The following KCNQ1 variants were observed in gnomAD, a reference collection of about 807,000 sequenced individuals.
KCNQ1 encodes potassium voltage-gated channel subfamily Q member 1, also known as potassium voltage-gated channel subfamily KQT member 1.
A neutral mutation model predicts 72.4 loss-of-function variants in KCNQ1; 49 were observed. The observed-to-expected ratio is 0.68, with a 90% CI of 0.54 to 0.86. The LOEUF (loss-of-function observed/expected upper bound fraction) is 0.86, where lower values mean the gene tolerates loss of function less well. Ranked by LOEUF, KCNQ1 falls within the 40% of genes least tolerant of loss-of-function variation. KCNQ1 has a pLI of 0.00. For synonymous variants in KCNQ1, 450 were observed against 412.6 expected, an observed-to-expected ratio of 1.09 and a Z score of -1.10; for missense variants, 790 against 945.1, an observed-to-expected ratio of 0.84 and a Z score of 2.15.
chr11:2,571,642 T>C (rs1427450741), intron 4 of KCNQ1, among the ~76,000 whole-genome samples: 1 of 151,942 alleles, frequency 6.6e-6, no homozygotes, highest in Non-Finnish European at 1.5e-5. Flanking sequence ...GGCCCAGCAC[T>C]AGCGCCTCTG....
At chr11:2,641,417 T>C in intron 10 of KCNQ1, 1 of 398,464 alleles carries the variant, frequency 2.5e-6, no homozygotes, top group Non-Finnish European at 4.4e-6. Context: ...ATATACCTGT[T>C]GGCTACTTGT....
rs537756796 is a variant in KCNQ1 at position 2,562,862 on chromosome 11, C to T, written c.478-7766C>T. On this transcript the variant is annotated intron_variant, in intron 2 of 15. Coordinates refer to ENST00000155840, the MANE Select transcript of KCNQ1 (RefSeq NM_000218.3). The surrounding 1 kb of genome is among the most constrained non-coding windows in gnomAD (Gnocchi z 7.5). ...TCCTTCGTATTTAATCTTCATCTTC[C>T]GCCGTCTTTAAAATTAATTTTCCTT... Among the ~76,000 whole-genome samples the T allele has an allele frequency of 1.5e-4, 23 of 152,274 alleles. No homozygotes were observed. The South Asian group carries it at 1.7e-3, about 11-fold the overall frequency.
chr11:2,634,400 T>G, intron 10 of KCNQ1: 1 of 177,288 alleles, frequency 5.6e-6, no homozygotes, highest in Non-Finnish European at 1.0e-5. Context: ...CATTGTTCAG[T>G]TCCCACCTAC....
intron 2 of KCNQ1, among the ~76,000 whole-genome samples, chr11:2,548,204 C>T (rs112709382): frequency 6.6e-6 from 1 of 152,158 alleles, no homozygotes; most frequent in Non-Finnish European, 1.5e-5. Flanking sequence ...CAGGGTCATG[C>T]GTGTTTGTCC....
At chr11:2,684,467 C>T (rs1850450789) in intron 11 of KCNQ1, 1 of 398,680 alleles carries the variant, frequency 2.5e-6, no homozygotes, top group East Asian at 3.6e-5. Flanking sequence ...AAAGACTATG[C>T]TCCAGAACTT....
intron 7 of KCNQ1, among the ~76,000 whole-genome samples, chr11:2,584,379 TTGTG>T (rs548681588): frequency 5.0e-4 from 76 of 151,158 alleles, no homozygotes; most frequent in African/African-American, 1.3e-3. Flanking sequence ...GTTAGTGTGT[TTGTG>T]TGTTAGTGTG....
At chr11:2,646,945 T>A (rs1849675686) in intron 10 of KCNQ1, 2 of 398,666 alleles carry the variant, frequency 5.0e-6, no homozygotes, top group East Asian at 7.1e-5. Flanking sequence ...AAGGACAATA[T>A]GACATTCTCT....
At position 2,762,997 on chromosome 11, in the gene KCNQ1, C is replaced by G. The variant is rs931370622; in HGVS notation, c.1515-5847C>G. 2.6e-5 allele frequency among the ~76,000 whole-genome samples: 4 copies of G among 152,172 alleles called. No homozygotes were observed. Among genetic ancestry groups the G allele is most frequent in the Non-Finnish European group, 5.9e-5 (4 of 68,038 alleles). Reference sequence around the variant, plus strand: ...CTCTGACTTTGTTGTTCTTCAAGATCGTCTTGGCTATTCTTGGCCCTTCAC... The same window carrying G: ...CTCTGACTTTGTTGTTCTTCAAGATGGTCTTGGCTATTCTTGGCCCTTCAC... On this transcript the variant is annotated intron_variant, in intron 11 of 15. Transcript: ENST00000155840. This position sits in a 1 kb window ranked among gnomAD's most constrained non-coding sequence, Gnocchi z 4.3.
chr11:2,461,953 G>A (rs1202934874), intron 1 of KCNQ1: 1 of 382,676 alleles, frequency 2.6e-6, no homozygotes, highest in South Asian at 1.9e-5. Flanking sequence ...GCTGTCCTGG[G>A]GGAAGGTCTG....
chr11:2,505,296 CT>C (rs1391543790), intron 1 of KCNQ1, among the ~76,000 whole-genome samples: 2 of 152,000 alleles, frequency 1.3e-5, no homozygotes, highest in Non-Finnish European at 2.9e-5. Flanking sequence ...TTCCATTTTA[CT>C]TCTATTATTG....
chr11:2,454,910 C>T (rs1846165389), intron 1 of KCNQ1, among the ~76,000 whole-genome samples: 1 of 152,014 alleles, frequency 6.6e-6, no homozygotes, highest in African/African-American at 2.4e-5. Flanking sequence ...ACTGGAGGTC[C>T]TAGTCAGAAA....
chr11:2,620,209 ATAT>A lies in KCNQ1; in HGVS notation c.1393+31357_1393+31359del. On this transcript the variant is annotated intron_variant, in intron 10 of 15. Transcript: ENST00000155840. This position sits in a 1 kb window ranked among gnomAD's most constrained non-coding sequence, Gnocchi z 4.5. ...CGTAAGTTCATTCATGTATATATAT[ATAT>A]TTTTTTTTTTTATTTTTTTTTTAGA... 1.3e-5 allele frequency: 4 copies of A among 301,958 alleles called. No homozygotes were observed. The highest frequency in any genetic ancestry group is 1.1e-5 in the Non-Finnish European group (2 of 176,932). 18.7% of individuals were successfully genotyped at this position (301,958 alleles called of 1,614,324 possible).
chr11:2,464,997 G>A lies in KCNQ1; in HGVS notation c.386+19513G>A, dbSNP rs1846330881. ...GGAGCTGCCCCGGCCGCCCCCGTGG[G>A]TGCAGGCCATGGGCTCTTGTTTCCT... On this transcript the variant is annotated intron_variant, in intron 1 of 15. Coordinates refer to ENST00000155840, the MANE Select transcript of KCNQ1 (RefSeq NM_000218.3). The surrounding 1 kb of genome is among the most constrained non-coding windows in gnomAD (Gnocchi z 5.0). 6.6e-6 allele frequency among the ~76,000 whole-genome samples: 1 copy of A among 152,106 alleles called. No individual in the cohort carries two copies. The highest frequency in any genetic ancestry group is 6.5e-5 in the Admixed American group (1 of 15,280).
chr11:2,627,514 C>A lies in KCNQ1; in HGVS notation c.1394-34447C>A, dbSNP rs574299058. The A allele has an allele frequency of 9.8e-4, 390 of 398,498 alleles. No homozygotes were observed. Among genetic ancestry groups the A allele is most frequent in the Admixed American group, 1.3e-3 (29 of 22,720 alleles). The allele number at this position is 398,498 out of a possible 1,614,324, so 24.7% of individuals were successfully genotyped here. A position where few individuals can be genotyped will look rare whatever the true frequency, so the allele number is the denominator to read the frequency against. ...TACTCTCCGTTTCTCTGAGTTCAAGCTTTTTAGAATTCCATATGTAACTGG... is the reference window on the plus strand; with the variant it reads ...TACTCTCCGTTTCTCTGAGTTCAAGATTTTTAGAATTCCATATGTAACTGG... On this transcript the variant is annotated intron_variant, in intron 10 of 15. Coordinates refer to ENST00000155840, the MANE Select transcript of KCNQ1 (RefSeq NM_000218.3). The surrounding 1 kb of genome is among the most constrained non-coding windows in gnomAD (Gnocchi z 4.9).
intron 15 of KCNQ1, among the ~76,000 whole-genome samples, chr11:2,805,067 C>T (rs757795944): frequency 3.4e-4 from 52 of 152,044 alleles, no homozygotes; most frequent in Non-Finnish European, 6.2e-4. Context: ...CTGGCCATCC[C>T]GGGCCTGAGT....
In KCNQ1 at chr11:2,678,870, C is replaced by T. The variant is rs1287617863; in HGVS notation, c.1514+16789C>T. 1 of 398,462 alleles carries T rather than the reference C, an allele frequency of 2.5e-6. No individual in the cohort carries two copies. Among genetic ancestry groups the T allele is most frequent in the Non-Finnish European group, 4.4e-6 (1 of 226,066 alleles). 24.7% of individuals were successfully genotyped at this position (398,462 alleles called of 1,614,324 possible). On this transcript the variant is annotated intron_variant, in intron 11 of 15. Transcript: ENST00000155840. The surrounding 1 kb of genome is among the most constrained non-coding windows in gnomAD (Gnocchi z 4.9). ...CAGGTCGGGGGTGCACAGGAGTTGC[C>T]AGCTGGACCCAAGGACCATTTCGTA...
chr11:2,810,201 G>A (rs1847458823), intron 15 of KCNQ1, among the ~76,000 whole-genome samples: 1 of 152,178 alleles, frequency 6.6e-6, no homozygotes, highest in Admixed American at 6.5e-5. Context: ...TCCTGGAAAT[G>A]TTTAGTATCT....
intron 2 of KCNQ1, among the ~76,000 whole-genome samples, chr11:2,555,009 G>A (rs149643791): frequency 9.5e-4 from 144 of 152,252 alleles, no homozygotes; most frequent in Admixed American, 2.7e-3. Flanking sequence ...GCTGACACAC[G>A]TGCACACACA....
chr11:2,535,899 C>T (rs899600592), intron 2 of KCNQ1, among the ~76,000 whole-genome samples: 5 of 152,220 alleles, frequency 3.3e-5, no homozygotes, highest in African/African-American at 1.2e-4. Context: ...GGCACCCTGC[C>T]TCCAGTGTTC....
Sources: allele counts gnomAD v4.1 joint callset (sites outside exome capture counted in the v4.1 genomes callset), GRCh38; gene constraint gnomAD v4.1.1; non-coding constraint Gnocchi (gnomAD v3.1); transcripts MANE v1.5; gene names NCBI Gene and HGNC (gene_info 2026-07-23, HGNC 2026-07-21).